Variants in PPT2 observed in about 807,000 individuals in gnomAD.
PPT2 encodes the protein palmitoyl-protein thioesterase 2.
Under a neutral mutation model 37.3 loss-of-function variants are expected in PPT2, and 20 were observed. That is an observed-to-expected ratio of 0.54 (90% CI 0.38 to 0.78). PPT2 has a LOEUF of 0.78. PPT2 is among the 30% of genes least tolerant of loss of function. PPT2 has a pLI of 0.00. For synonymous variants in PPT2, 135 were observed against 159.1 expected (o/e 0.85, Z 1.14); for missense variants, 270 against 389.8 (o/e 0.69, Z 2.59).
chr6:32,155,477 A>T lies in PPT2; in HGVS notation c.338-211A>T, dbSNP rs974813668. 3.9e-5 allele frequency among the ~76,000 whole-genome samples: 6 copies of T among 152,108 alleles called. No individual in the cohort carries two copies. The East Asian group carries it at 9.6e-4, about 24-fold the overall frequency. On this transcript the variant is annotated intron_variant, in intron 3 of 8. Transcript: ENST00000324816. This position sits in a 1 kb window ranked among gnomAD's most constrained non-coding sequence, Gnocchi z 4.3. ...ACTAGAGGCAGGAGGCCCAGCATCTAATTCGGGCTCAGTCACTTATATGAT... is the reference window on the plus strand; with the variant it reads ...ACTAGAGGCAGGAGGCCCAGCATCTTATTCGGGCTCAGTCACTTATATGAT...
chr6:32,158,030 G>T, intron 7 of PPT2, 106 bp downstream of exon 7: 1 of 959,948 alleles, frequency 1.0e-6, no homozygotes, highest in Non-Finnish European at 1.6e-6. Context: ...TGTTCAGTTA[G>T]TGCTCCTCCC....
In PPT2 at chr6:32,159,472, A is replaced by ATATATATATATATC. The variant is rs1465188963; in HGVS notation, c.710+1549_710+1550insATATATATATATCT. Among the ~76,000 whole-genome samples the ATATATATATATATC allele has an allele frequency of 1.9e-3, 244 of 127,418 alleles. 2 individuals are homozygous for ATATATATATATATC. The highest frequency in any genetic ancestry group is 3.8e-3 in the African/African-American group (126 of 33,172). 83.6% of individuals were successfully genotyped at this position (127,418 alleles called of 152,430 possible). ...AAAAAATATATATATATATATATAT[A>ATATATATATATATC]TCCTCATCCCTATTTCCCGACAGTC... On this transcript the variant is annotated intron_variant, in intron 7 of 8. Transcript: ENST00000324816.
chr6:32,155,920 C>T lies in PPT2; in HGVS notation c.483C>T (p.Leu161=). ...TCCCCACCTCCATGCGGTCTAACCT[C>T]TATCGGATCTGCTATAGCCCCTGGG... The part of the protein sequence containing the change: ...WLFPTSMRSN[L]YRICYSPWGQ... Residue 161 remains leucine, a synonymous_variant, in exon 5 of 9, where the codon CTC becomes CTT. Transcript: ENST00000324816. The surrounding 1 kb of genome is among the most constrained non-coding windows in gnomAD (Gnocchi z 4.3). The T allele has an allele frequency of 6.2e-7, 1 of 1,614,120 alleles. No homozygotes were observed. Among genetic ancestry groups the T allele is most frequent in the Non-Finnish European group, 8.5e-7 (1 of 1,180,036 alleles).
intron 7 of PPT2, among the ~76,000 whole-genome samples, chr6:32,158,491 C>T (rs1783939790): frequency 6.6e-6 from 1 of 152,168 alleles, no homozygotes; most frequent in Non-Finnish European, 1.5e-5. Flanking sequence ...TGTAATGTCA[C>T]CTGAGCTACT....
At position 32,156,039 on chromosome 6, in the gene PPT2, A is replaced by ATTGGTTGTAG; in HGVS notation, c.541+61_541+62insTTGGTTGTAG. ...CAGGTCAGTTGCTTCCACCTCTGCT[A>ATTGGTTGTAG]CAACCAATAGCAGTGATGACAATAA... On this transcript the variant is annotated intron_variant, in intron 5 of 8. Coordinates refer to ENST00000324816, the MANE Select transcript of PPT2 (RefSeq NM_005155.7). The surrounding 1 kb of genome is among the most constrained non-coding windows in gnomAD (Gnocchi z 4.9). 8.3e-7 allele frequency: 1 copy of ATTGGTTGTAG among 1,202,266 alleles called. No individual in the cohort carries two copies. Among genetic ancestry groups the ATTGGTTGTAG allele is most frequent in the Non-Finnish European group, 1.2e-6 (1 of 805,390 alleles). The allele number at this position is 1,202,266 out of a possible 1,614,324, so 74.5% of individuals were successfully genotyped here. A position where few individuals can be genotyped will look rare whatever the true frequency, so the allele number is the denominator to read the frequency against.
In PPT2 at chr6:32,163,042, C is replaced by A; in HGVS notation, c.*92C>A. On this transcript the variant is annotated 3_prime_UTR_variant, in exon 9 of 9. Transcript: ENST00000324816. ...TGTCAGGCTTTGGTGTGCCTGTGAC[C>A]ACCTCATTGCTCCCATATTATCCCC... The A allele has an allele frequency of 7.2e-7, 1 of 1,380,726 alleles. No homozygotes were observed. The highest frequency in any genetic ancestry group is 9.9e-7 in the Non-Finnish European group (1 of 1,007,406). 85.5% of individuals were successfully genotyped at this position (1,380,726 alleles called of 1,614,324 possible).
intron 7 of PPT2, among the ~76,000 whole-genome samples, chr6:32,159,433 C>CAAAAAAAAAAAAAAAAA (rs1214191656): frequency 6.3e-4 from 14 of 22,196 alleles, no homozygotes; most frequent in South Asian, 5.5e-3. Context: ...AACTCCATCT[C>CAAAAAAAAAAAAAAAAA]AAAAAAAAAA....
At chr6:32,153,664 AGGGTGGGGTGGGGT>A, upstream of PPT2, 2 of 172,930 alleles carry the variant, frequency 1.2e-5, no homozygotes, top group Non-Finnish European at 2.4e-5. The surrounding 1 kb of genome is among the most constrained non-coding windows in gnomAD (Gnocchi z 4.4). Flanking sequence ...GGCGGACTGG[AGGGTGGGGTGGGGT>A]GGGTGTTGAG....
upstream of PPT2, chr6:32,153,560 A>G: frequency 6.4e-7 from 1 of 1,555,708 alleles, no homozygotes; most frequent in Non-Finnish European, 8.7e-7. This position sits in a 1 kb window ranked among gnomAD's most constrained non-coding sequence, Gnocchi z 4.4. Context: ...GCCAGGCTGC[A>G]CTTAGCTCAA....
chr6:32,156,108 GA>G lies in PPT2; in HGVS notation c.541+132del. The G allele has an allele frequency of 1.3e-6, 1 of 769,406 alleles. No homozygotes were observed. Among genetic ancestry groups the G allele is most frequent in the Non-Finnish European group, 2.1e-6 (1 of 479,158 alleles). The allele number at this position is 769,406 out of a possible 1,614,324, so 47.7% of individuals were successfully genotyped here. Reference sequence around the variant, plus strand: ...GAGTTATTTGAACAGGCTCTGTTCAGAATTTTTTTTTTTTTTGAGACGGAGT... The same window carrying G: ...GAGTTATTTGAACAGGCTCTGTTCAGATTTTTTTTTTTTTTGAGACGGAGT... On this transcript the variant is annotated intron_variant, in intron 5 of 8. Transcript: ENST00000324816. The surrounding 1 kb of genome is among the most constrained non-coding windows in gnomAD (Gnocchi z 4.9).
Position 32,155,614 on chromosome 6 carries a change from GTGTGGT to G in PPT2, c.338-73_338-68del. 1 of 954,592 alleles carries G rather than the reference GTGTGGT, an allele frequency of 1.0e-6. No individual in the cohort carries two copies. 59.1% of individuals were successfully genotyped at this position (954,592 alleles called of 1,614,324 possible). On this transcript the variant is annotated intron_variant, in intron 3 of 8. Transcript: ENST00000324816. The surrounding 1 kb of genome is among the most constrained non-coding windows in gnomAD (Gnocchi z 4.3). The stretch of plus-strand genomic sequence containing the variant: ...TGTGTGTGTGTGTGTGTGTGTGTGT[GTGTGGT>G]GGGGGTGGGGGGTGCTGCTGGCTTT...
rs1235470613 is a variant in PPT2, at chr6:32,156,952, G to A, written c.542-685G>A. 6.6e-6 allele frequency among the ~76,000 whole-genome samples: 1 copy of A among 151,482 alleles called. No individual in the cohort carries two copies. The highest frequency in any genetic ancestry group is 1.9e-4 in the East Asian group (1 of 5,168). On this transcript the variant is annotated intron_variant, in intron 5 of 8. Transcript: ENST00000324816. This position sits in a 1 kb window ranked among gnomAD's most constrained non-coding sequence, Gnocchi z 4.9. The stretch of plus-strand genomic sequence containing the variant: ...TCCCAATATCTTGGCAGGGGGAGGT[G>A]GGCGCATCACCTGAGGTCGGGTTCG...
rs754686629 is a variant in PPT2, at chr6:32,155,657, G to A, written c.338-31G>A. 1.3e-6 allele frequency: 2 copies of A among 1,590,864 alleles called. No individual in the cohort carries two copies. Among genetic ancestry groups the A allele is most frequent in the Non-Finnish European group, 1.7e-6 (2 of 1,159,884 alleles). ...GTGCTGCTGGCTTTGCTGTCCTTAA[G>A]TGCCTGCCCAATGTGGTGTTCTGCT... On this transcript the variant is annotated intron_variant, in intron 3 of 8. Coordinates refer to ENST00000324816, the MANE Select transcript of PPT2 (RefSeq NM_005155.7). This position sits in a 1 kb window ranked among gnomAD's most constrained non-coding sequence, Gnocchi z 4.3.
upstream of PPT2, chr6:32,153,959 C>T: frequency 7.3e-7 from 1 of 1,370,058 alleles, no homozygotes; most frequent in Non-Finnish European, 9.4e-7. This position sits in a 1 kb window ranked among gnomAD's most constrained non-coding sequence, Gnocchi z 4.4. Context: ...TTCCTCTCCC[C>T]ACTGGCCTAA....
Position 32,155,618 on chromosome 6 carries a change from G to A in PPT2, c.338-70G>A, listed in dbSNP as rs1340290866. On this transcript the variant is annotated intron_variant, in intron 3 of 8. Transcript: ENST00000324816. The surrounding 1 kb of genome is among the most constrained non-coding windows in gnomAD (Gnocchi z 4.3). ...TGTGTGTGTGTGTGTGTGTGTGTGT[G>A]GTGGGGGTGGGGGGTGCTGCTGGCT... The A allele has an allele frequency of 3.2e-6, 3 of 939,426 alleles. No homozygotes were observed. The highest frequency in any genetic ancestry group is 5.1e-6 in the Non-Finnish European group (3 of 586,626). The allele number at this position is 939,426 out of a possible 1,614,324, so 58.2% of individuals were successfully genotyped here. A position where few individuals can be genotyped will look rare whatever the true frequency, so the allele number is the denominator to read the frequency against.
At position 32,154,651 on chromosome 6, in the gene PPT2, T is replaced by A; in HGVS notation, c.57T>A (p.Pro19=). The part of the protein sequence containing the change: ...LPAAWVLLLL[P]FLPLLLLAAP... ...CGGCGTGGGTCCTGCTTCTGTTGCC[T>A]TTCCTGCCGCTGCTGCTGCTTGCAG... The change falls in exon 2 of 9, where the codon CCT becomes CCA. Residue 19 remains proline, a synonymous_variant. Coordinates refer to ENST00000324816, the MANE Select transcript of PPT2 (RefSeq NM_005155.7). This position sits in a 1 kb window ranked among gnomAD's most constrained non-coding sequence, Gnocchi z 7.3. 6.2e-7 allele frequency: 1 copy of A among 1,612,968 alleles called. No individual in the cohort carries two copies. The highest frequency in any genetic ancestry group is 1.1e-5 in the South Asian group (1 of 91,078).
chr6:32,155,814 C>T lies in PPT2; in HGVS notation c.433+31C>T, dbSNP rs1783756476. The T allele has an allele frequency of 5.0e-6, 8 of 1,611,526 alleles. No homozygotes were observed. The Admixed American group carries it at 5.0e-5, about 10-fold the overall frequency. On this transcript the variant is annotated intron_variant, in intron 4 of 8. Coordinates refer to ENST00000324816, the MANE Select transcript of PPT2 (RefSeq NM_005155.7). The surrounding 1 kb of genome is among the most constrained non-coding windows in gnomAD (Gnocchi z 4.3). ...TGGGCACTAGACTCCATAGAATGCCCTGAGTTTTGGGGGAACAGAGGTTTA... is the reference window on the plus strand; with the variant it reads ...TGGGCACTAGACTCCATAGAATGCCTTGAGTTTTGGGGGAACAGAGGTTTA...
chr6:32,156,006 C>A lies in PPT2; in HGVS notation c.541+28C>A. On this transcript the variant is annotated intron_variant, in intron 5 of 8. Transcript: ENST00000324816. This position sits in a 1 kb window ranked among gnomAD's most constrained non-coding sequence, Gnocchi z 4.9. ...GAGTGGGGATGCTGAACTGGGGCTT[C>A]CATGGATCAGGTCAGTTGCTTCCAC... 3 of 1,550,188 alleles carry A rather than the reference C, an allele frequency of 1.9e-6. No homozygotes were observed. The highest frequency in any genetic ancestry group is 2.7e-6 in the Non-Finnish European group (3 of 1,122,090).
intron 5 of PPT2, 40 bp from the exon 6 acceptor site, chr6:32,157,597 C>T: frequency 6.6e-7 from 1 of 1,508,240 alleles, no homozygotes; most frequent in Non-Finnish European, 9.2e-7. Context: ...AGTCTTGCCT[C>T]CCTTTTCTGC....
Sources: gnomAD v4.1 joint callset for allele counts (sites outside exome capture counted in the v4.1 genomes callset) on GRCh38, gnomAD v4.1.1 for gene constraint, Gnocchi (gnomAD v3.1) non-coding constraint, MANE v1.5 for transcripts, NCBI Gene and HGNC (gene_info 2026-07-23, HGNC 2026-07-21) for gene names.